The following NRP2 variants were observed in gnomAD, a reference collection of about 807,000 sequenced individuals.
The protein encoded by NRP2 is neuropilin 2.
A neutral mutation model predicts 110.4 loss-of-function variants in NRP2; 52 were observed. The observed-to-expected ratio is 0.47, with a 90% CI of 0.38 to 0.59. The LOEUF is 0.59. Ranked by LOEUF, NRP2 falls within the 20% of genes least tolerant of loss-of-function variation. The pLI is 0.00. For missense variants in NRP2, 1,049 were observed against 1,203.0 expected (o/e 0.87, Z 1.89); for synonymous variants, 508 against 468.9 (o/e 1.08, Z -1.08).
Position 205,747,195 on chromosome 2 carries a change from C to G in NRP2, c.1786+1305C>G, listed in dbSNP as rs190888845. Among the ~76,000 whole-genome samples the G allele has an allele frequency of 2.4e-4, 37 of 152,318 alleles. No individual in the cohort carries two copies. The East Asian group carries it at 6.6e-3, about 27-fold the overall frequency. ...ATTTAAAATAATTTTCCTTCACAAC[C>G]CGCTTCACTTATAAGCACTCACACA... On this transcript the variant is annotated intron_variant, in intron 10 of 16. Coordinates refer to ENST00000357785, the MANE Select transcript of NRP2 (RefSeq NM_003872.3).
rs200747519 is a variant in NRP2, at chr2:205,763,675, T to C, written c.2046T>C (p.Asp682=). 6.8e-5 allele frequency: 109 copies of C among 1,614,162 alleles called. 1 individual carries two copies. The South Asian group carries it at 1.1e-3, about 16-fold the overall frequency. ...TCTGTTTGGGTTTGTTTCTGCCAGA[T>C]GACAGGAATTTCTTGCGGCTGCAGA... ...SSSPNDRTFP[D]DRNFLRLQSD... Residue 682 remains aspartate (D), a splice_region_variant and synonymous_variant, in exon 13 of 17, where the codon GAT becomes GAC. Coordinates refer to ENST00000357785, the MANE Select transcript of NRP2 (RefSeq NM_003872.3). This position sits in a 1 kb window ranked among gnomAD's most constrained non-coding sequence, Gnocchi z 4.0.
At chr2:205,730,752 A>G (rs918912027) in intron 7 of NRP2, among the ~76,000 whole-genome samples, 2 of 152,206 alleles carry the variant, frequency 1.3e-5, no homozygotes, top group Non-Finnish European at 2.9e-5. Context: ...AACAAGTTTA[A>G]TGAGTGCTCA....
intron 12 of NRP2, among the ~76,000 whole-genome samples, chr2:205,757,696 C>T (rs2057755724): frequency 1.3e-5 from 2 of 152,062 alleles, no homozygotes; most frequent in South Asian, 4.2e-4. Flanking sequence ...ACAGACACTG[C>T]AAATCCAGAG....
chr2:205,786,044 C>T (rs1323496413), intron 15 of NRP2, among the ~76,000 whole-genome samples: 1 of 152,126 alleles, frequency 6.6e-6, no homozygotes, highest in Non-Finnish European at 1.5e-5. Context: ...TCAAGCCAAA[C>T]CCAGCAAGGA....
At chr2:205,695,059 G>A (rs1175385987) in intron 1 of NRP2, among the ~76,000 whole-genome samples, 2 of 152,140 alleles carry the variant, frequency 1.3e-5, no homozygotes, top group Non-Finnish European at 2.9e-5. Flanking sequence ...GTGTGTTTCT[G>A]GGTGTGAATG....
chr2:205,763,662 T>C lies in NRP2; in HGVS notation c.2045-12T>C. 1 of 1,614,098 alleles carries C rather than the reference T, an allele frequency of 6.2e-7. No homozygotes were observed. Among genetic ancestry groups the C allele is most frequent in the Non-Finnish European group, 8.5e-7 (1 of 1,180,028 alleles). On this transcript the variant is annotated splice_polypyrimidine_tract_variant and intron_variant, in intron 12 of 16. Transcript: ENST00000357785. This position sits in a 1 kb window ranked among gnomAD's most constrained non-coding sequence, Gnocchi z 4.0. ...TTTATGGAGAACCTCTGTTTGGGTT[T>C]GTTTCTGCCAGATGACAGGAATTTC...
intron 15 of NRP2, among the ~76,000 whole-genome samples, chr2:205,784,540 C>T (rs568567987): frequency 7.2e-5 from 11 of 152,228 alleles, no homozygotes; most frequent in African/African-American, 1.9e-4. Context: ...ATGCCTCATT[C>T]GCCTTGGCCA....
chr2:205,697,305 C>CT (rs2056450831), intron 1 of NRP2, among the ~76,000 whole-genome samples: 1 of 92,546 alleles, frequency 1.1e-5, no homozygotes, highest in African/African-American at 5.3e-5. Context: ...TTCTGGAATA[C>CT]TTTCATCTGT....
rs566573175 is a variant in NRP2 at position 205,769,818 on chromosome 2, G to A, written c.2425+3015G>A. Among the ~76,000 whole-genome samples, 170 of 152,212 alleles carry A rather than the reference G, an allele frequency of 1.1e-3. 1 individual carries two copies. The highest frequency in any genetic ancestry group is 2.0e-3 in the Non-Finnish European group (134 of 68,004). ...TGAGCTTTAACAAATGAAAAACCGTGTGTATAAAGGGGGGAAAAAGAACCG... is the reference window on the plus strand; with the variant it reads ...TGAGCTTTAACAAATGAAAAACCGTATGTATAAAGGGGGGAAAAAGAACCG... On this transcript the variant is annotated intron_variant, in intron 15 of 16. Coordinates refer to ENST00000357785, the MANE Select transcript of NRP2 (RefSeq NM_003872.3).
At chr2:205,792,797 T>C (rs2058316307) in intron 16 of NRP2, among the ~76,000 whole-genome samples, 1 of 152,180 alleles carries the variant, frequency 6.6e-6, no homozygotes, top group Non-Finnish European at 1.5e-5. Flanking sequence ...TCTTTATATT[T>C]ATTCCAAGTT....
intron 2 of NRP2, among the ~76,000 whole-genome samples, chr2:205,711,221 C>A (rs868865308): frequency 6.6e-6 from 1 of 152,170 alleles, no homozygotes; most frequent in Non-Finnish European, 1.5e-5. Context: ...TGAATGAGAC[C>A]TCCTACATGC....
chr2:205,752,794 T>C (rs747084842), intron 11 of NRP2, 41 bp from the exon 12 acceptor site: 1 of 1,611,938 alleles, frequency 6.2e-7, no homozygotes, highest in Non-Finnish European at 8.5e-7. Context: ...TCTGAACCCA[T>C]TTCATTTGCC....
intron 7 of NRP2, among the ~76,000 whole-genome samples, chr2:205,733,327 C>A (rs2057277928): frequency 6.6e-6 from 1 of 152,192 alleles, no homozygotes; most frequent in Admixed American, 6.5e-5. Flanking sequence ...AACTCCAAGG[C>A]CCCGGCTGTG....
intron 2 of NRP2, among the ~76,000 whole-genome samples, chr2:205,713,004 A>G (rs1181189707): frequency 6.6e-6 from 1 of 152,224 alleles, no homozygotes; most frequent in Non-Finnish European, 1.5e-5. Flanking sequence ...TCCCTTCTCT[A>G]TATGTGTGTT....
At chr2:205,726,676 C>T (rs2057134997) in intron 6 of NRP2, among the ~76,000 whole-genome samples, 1 of 152,182 alleles carries the variant, frequency 6.6e-6, no homozygotes, top group Non-Finnish European at 1.5e-5. Context: ...TCTTCCCGCA[C>T]TGCACACTGC....
chr2:205,751,377 A>G (rs1439473135), intron 11 of NRP2, among the ~76,000 whole-genome samples: 2 of 152,150 alleles, frequency 1.3e-5, no homozygotes, highest in African/African-American at 4.8e-5. Context: ...CCTGAGATAC[A>G]GTATACATGT....
Position 205,716,382 on chromosome 2 carries a change from T to A in NRP2, c.433+8T>A. On this transcript the variant is annotated splice_region_variant and intron_variant, in intron 3 of 16. Transcript: ENST00000357785. ...ACGAGATCTTCAAGACAGGTCAGTG[T>A]GGTCACACGTAGGGGCCGGGAGATG... The A allele has an allele frequency of 6.2e-7, 1 of 1,613,016 alleles. No individual in the cohort carries two copies. Among genetic ancestry groups the A allele is most frequent in the Non-Finnish European group, 8.5e-7 (1 of 1,179,868 alleles).
Position 205,727,926 on chromosome 2 carries a change from C to T in NRP2, c.1026C>T (p.Ile342=), listed in dbSNP as rs762265271. Residue 342 remains isoleucine, a synonymous_variant, in exon 7 of 17, where the codon ATC becomes ATT. Transcript: ENST00000357785. ...DLRFLTMLTA[I]ATQGAISRET... Reference sequence around the variant, plus strand: ...GCTTTTTAACCATGCTCACGGCCATCGCAACACAGGGAGCGATTTCCAGGG... The same window carrying T: ...GCTTTTTAACCATGCTCACGGCCATTGCAACACAGGGAGCGATTTCCAGGG... 16 of 1,613,998 alleles carry T rather than the reference C, an allele frequency of 9.9e-6. No individual in the cohort carries two copies. In the East Asian group the frequency reaches 2.7e-4, roughly 27 times the overall value.
chr2:205,766,797 T>C lies in NRP2; in HGVS notation c.2419T>C (p.Phe807Leu), dbSNP rs767371523. Residue 807 changes from phenylalanine to leucine, a missense_variant, in exon 15 of 17, where the codon TTT becomes CTT. Transcript: ENST00000357785. The stretch of plus-strand genomic sequence containing the variant: ...GTTTTTTTCAGAACCCATCTCGGCT[T>C]TTGCAGGTGAGAATTTTAAAGGTAA... ...LENCMEPISAFAVDIPEIHER... is the reference protein window; with the variant it reads ...LENCMEPISALAVDIPEIHER... 1 of 1,613,166 alleles carries C rather than the reference T, an allele frequency of 6.2e-7. No individual in the cohort carries two copies. Among genetic ancestry groups the C allele is most frequent in the Admixed American group, 1.7e-5 (1 of 60,014 alleles).
Sources: gnomAD v4.1 joint callset for allele counts (sites outside exome capture counted in the v4.1 genomes callset) on GRCh38, gnomAD v4.1.1 for gene constraint, Gnocchi (gnomAD v3.1) non-coding constraint, MANE v1.5 for transcripts, NCBI Gene and HGNC (gene_info 2026-07-23, HGNC 2026-07-21) for gene names.